Variants in SPAG16 observed in about 807,000 individuals in gnomAD.
SPAG16 encodes the protein sperm associated antigen 16.
Under a neutral mutation model 80.4 loss-of-function variants are expected in SPAG16, and 86 were observed. The observed-to-expected ratio is 1.07, with a 90% CI of 0.90 to 1.28. SPAG16 has a LOEUF of 1.28. SPAG16 is among the 50% of genes most tolerant of loss of function. The probability of loss-of-function intolerance (pLI) is 0.00; values close to 1 mark genes in which losing one functional copy is unlikely to be tolerated. For synonymous variants in SPAG16, 294 were observed against 265.9 expected (o/e 1.11, Z -1.03); for missense variants, 870 against 765.3 (o/e 1.14, Z -1.61).
At chr2:213,793,764 G>A (rs888325023) in intron 10 of SPAG16, among the ~76,000 whole-genome samples, 1 of 152,148 alleles carries the variant, frequency 6.6e-6, no homozygotes, top group African/African-American at 2.4e-5. Flanking sequence ...TCTTTGAAAT[G>A]CTAGTTTCTT....
rs73989461 is a variant in SPAG16 at position 214,362,351 on chromosome 2, C to T, written c.1721-47789C>T. Among the ~76,000 whole-genome samples the T allele has an allele frequency of 5.8e-3, 876 of 151,908 alleles. 9 individuals carry two copies. The highest frequency in any genetic ancestry group is 0.02 in the African/African-American group (832 of 41,498). ...GCAATCTTATGGCCAAGCCTGAATT[C>T]CATGTTTAAGGAAGAGGTCATACAT... On this transcript the variant is annotated intron_variant, in intron 15 of 15. Transcript: ENST00000331683.
intron 10 of SPAG16, among the ~76,000 whole-genome samples, chr2:213,503,091 C>T (rs557016086): frequency 5.3e-5 from 8 of 152,206 alleles, no homozygotes; most frequent in Non-Finnish European, 7.4e-5. Flanking sequence ...TTAATAGTAC[C>T]GATTACTATG....
At chr2:213,676,722 A>G (rs1574763996) in intron 10 of SPAG16, among the ~76,000 whole-genome samples, 1 of 151,120 alleles carries the variant, frequency 6.6e-6, no homozygotes, top group East Asian at 1.9e-4. Context: ...CTTGCATCCC[A>G]GGGATGAAGC....
At chr2:213,885,603 C>T (rs1022339755) in intron 11 of SPAG16, among the ~76,000 whole-genome samples, 2 of 152,148 alleles carry the variant, frequency 1.3e-5, no homozygotes, top group African/African-American at 4.8e-5. Flanking sequence ...GCATATTTAA[C>T]ATTCCATCTT....
intron 13 of SPAG16, among the ~76,000 whole-genome samples, chr2:214,053,878 G>T (rs1284461993): frequency 1.3e-5 from 2 of 152,120 alleles, no homozygotes; most frequent in African/African-American, 2.4e-5. Context: ...GCAAACTCTG[G>T]ATTCTACCAA....
intron 13 of SPAG16, among the ~76,000 whole-genome samples, chr2:214,015,040 T>C (rs1335632255): frequency 1.3e-5 from 2 of 152,156 alleles, no homozygotes; most frequent in Admixed American, 1.3e-4. Context: ...TGACTATTTA[T>C]GAAAGGTGAA....
chr2:213,473,445 G>A (rs1429638349), intron 9 of SPAG16, among the ~76,000 whole-genome samples: 1 of 152,172 alleles, frequency 6.6e-6, no homozygotes, highest in African/African-American at 2.4e-5. Context: ...AATCTATTTT[G>A]CAAGGCATTG....
chr2:214,344,723 C>T (rs1241235256), intron 15 of SPAG16, among the ~76,000 whole-genome samples: 2 of 152,078 alleles, frequency 1.3e-5, no homozygotes, highest in African/African-American at 2.4e-5. Context: ...GAATAACGTT[C>T]GAAACCAGAA....
chr2:213,446,772 C>A (rs1453926100), intron 9 of SPAG16, among the ~76,000 whole-genome samples: 2 of 152,128 alleles, frequency 1.3e-5, no homozygotes, highest in Admixed American at 6.6e-5. Context: ...ACTGTTGCCC[C>A]GCTCAACCAG....
intron 15 of SPAG16, among the ~76,000 whole-genome samples, chr2:214,390,030 A>G (rs1178995315): frequency 6.6e-6 from 1 of 152,202 alleles, no homozygotes; most frequent in Non-Finnish European, 1.5e-5. Flanking sequence ...GCCCGACACT[A>G]TGTGTAGGAT....
chr2:213,398,238 T>C (rs1575480538), intron 9 of SPAG16, among the ~76,000 whole-genome samples: 1 of 152,068 alleles, frequency 6.6e-6, no homozygotes, highest in African/African-American at 2.4e-5. Flanking sequence ...TCTGCTTTTG[T>C]CTTTACTTTT....
At chr2:213,398,714 A>C (rs2068165602) in intron 9 of SPAG16, among the ~76,000 whole-genome samples, 1 of 152,010 alleles carries the variant, frequency 6.6e-6, no homozygotes, top group Admixed American at 6.6e-5. Flanking sequence ...ATCCTACTTT[A>C]ATTTTTCTTT....
chr2:213,875,366 A>G (rs928242849), intron 11 of SPAG16, among the ~76,000 whole-genome samples: 1 of 152,124 alleles, frequency 6.6e-6, no homozygotes, highest in Admixed American at 6.6e-5. Context: ...GAAGCAAGAG[A>G]TGAGCCAAAA....
At chr2:213,973,625 T>A (rs2045202918) in intron 12 of SPAG16, among the ~76,000 whole-genome samples, 1 of 149,978 alleles carries the variant, frequency 6.7e-6, no homozygotes, top group South Asian at 2.1e-4. Flanking sequence ...CTACCATTTT[T>A]AAATTGCCCC....
intron 10 of SPAG16, among the ~76,000 whole-genome samples, chr2:213,502,611 C>T (rs2074789849): frequency 6.6e-6 from 1 of 152,166 alleles, no homozygotes; most frequent in African/African-American, 2.4e-5. Flanking sequence ...ATGCTTAAAT[C>T]TTGGATGATG....
intron 15 of SPAG16, among the ~76,000 whole-genome samples, chr2:214,370,569 A>G (rs1699748326): frequency 6.6e-6 from 1 of 152,184 alleles, no homozygotes; most frequent in African/African-American, 2.4e-5. Context: ...AGAGAGTGAG[A>G]GAGAGTGTGT....
chr2:213,464,430 C>G (rs2072563109), intron 9 of SPAG16, among the ~76,000 whole-genome samples: 1 of 152,190 alleles, frequency 6.6e-6, no homozygotes, highest in South Asian at 2.1e-4. Flanking sequence ...TGGGTGACAG[C>G]AACCTTGAAT....
intron 15 of SPAG16, among the ~76,000 whole-genome samples, chr2:214,291,113 G>A (rs1179523908): frequency 6.6e-6 from 1 of 151,672 alleles, no homozygotes. Context: ...TTATATAATG[G>A]CCTTTGTTTT....
At chr2:214,245,469 A>G (rs567591465) in intron 15 of SPAG16, among the ~76,000 whole-genome samples, 4 of 152,326 alleles carry the variant, frequency 2.6e-5, no homozygotes, top group Non-Finnish European at 2.9e-5. Flanking sequence ...TAAAGAAAAT[A>G]TAAGTCATTG....
Sources: gnomAD v4.1 joint callset for allele counts (sites outside exome capture counted in the v4.1 genomes callset) on GRCh38, gnomAD v4.1.1 for gene constraint, MANE v1.5 for transcripts, NCBI Gene and HGNC (gene_info 2026-07-23, HGNC 2026-07-21) for gene names.